VCL: variants seen among roughly 807,000 people sequenced by gnomAD.
The protein encoded by VCL is epididymis luminal protein 114.
A neutral mutation model predicts 125.7 loss-of-function variants in VCL; 47 were observed. The observed-to-expected ratio is 0.37, with a 90% CI of 0.30 to 0.48. VCL has a LOEUF of 0.48. Ranked by LOEUF, VCL falls within the 20% of genes least tolerant of loss-of-function variation. The pLI is 0.99. For missense variants in VCL, 1,069 were observed against 1,455.5 expected, an observed-to-expected ratio of 0.73 and a Z score of 4.32; for synonymous variants, 458 against 514.6, an observed-to-expected ratio of 0.89 and a Z score of 1.49.
chr10:74,097,373 T>C lies in VCL; in HGVS notation c.1872+41T>C. On this transcript the variant is annotated intron_variant, in intron 13 of 21. Coordinates refer to ENST00000211998, the MANE Select transcript of VCL (RefSeq NM_014000.3). The surrounding 1 kb of genome is among the most constrained non-coding windows in gnomAD (Gnocchi z 4.1). The stretch of plus-strand genomic sequence containing the variant: ...CTTCCATTTTTCTGTCAGCCTGTGC[T>C]ATAGGTATATGTAAAGGTGAAATGT... 6.2e-7 allele frequency: 1 copy of C among 1,604,444 alleles called. No individual in the cohort carries two copies.
intron 5 of VCL, among the ~76,000 whole-genome samples, chr10:74,073,236 G>A (rs577385002): frequency 1.3e-5 from 2 of 152,280 alleles, no homozygotes; most frequent in Non-Finnish European, 2.9e-5. Context: ...ATGGCTCCTG[G>A]CCTGAGGTTC....
At chr10:74,083,326 T>C in intron 7 of VCL, 40 bp from the exon 8 acceptor site, 1 of 1,610,746 alleles carries the variant, frequency 6.2e-7, no homozygotes, top group Non-Finnish European at 8.5e-7. Flanking sequence ...AAATAATGAA[T>C]GTGTCAACAA....
intron 18 of VCL, among the ~76,000 whole-genome samples, chr10:74,110,312 TA>T (rs1206027522): frequency 1.3e-5 from 2 of 152,152 alleles, no homozygotes; most frequent in African/African-American, 2.4e-5. Flanking sequence ...ATGAATTATT[TA>T]AAAAAACAAA....
rs113104632 is a variant in VCL at position 74,071,947 on chromosome 10, T to C, written c.500-783T>C. ...GAAAATTATATTTCCCCAAATGGAA[T>C]CTTATGCAGAATCCCCAAACAAAAA... is the stretch of plus-strand genomic sequence containing the variant. On this transcript the variant is annotated intron_variant, in intron 4 of 21. Transcript: ENST00000211998. This position sits in a 1 kb window ranked among gnomAD's most constrained non-coding sequence, Gnocchi z 4.1. Among the ~76,000 whole-genome samples, 43 of 152,268 alleles carry C rather than the reference T, an allele frequency of 2.8e-4. 1 individual carries two copies. The highest frequency in any genetic ancestry group is 9.1e-4 in the African/African-American group (38 of 41,560).
At chr10:74,023,567 C>T (rs548393313) in intron 1 of VCL, among the ~76,000 whole-genome samples, 49 of 152,266 alleles carry the variant, frequency 3.2e-4, no homozygotes, top group African/African-American at 1.1e-3. Context: ...TTCCTTTTGC[C>T]TAACTGGGAA....
chr10:74,106,124 G>A (rs187854736), intron 16 of VCL, among the ~76,000 whole-genome samples: 1 of 151,484 alleles, frequency 6.6e-6, no homozygotes, highest in East Asian at 2.0e-4. Context: ...GTTTCACCAT[G>A]TTGGCCAGGC....
rs201949733 is a variant in VCL, at chr10:74,083,516, A to T, written c.1022+3A>T. On this transcript the variant is annotated splice_donor_region_variant and intron_variant, in intron 8 of 21. Coordinates refer to ENST00000211998, the MANE Select transcript of VCL (RefSeq NM_014000.3). The stretch of plus-strand genomic sequence containing the variant: ...CAAGTGGCTGACCTCCGTGCCAGGT[A>T]AAAGTTCCTCTGTCCTTACAGAGCA... 1.9e-6 allele frequency: 3 copies of T among 1,613,688 alleles called. No homozygotes were observed. The highest frequency in any genetic ancestry group is 2.5e-6 in the Non-Finnish European group (3 of 1,179,752).
At chr10:74,067,147 G>A (rs1456363475) in intron 2 of VCL, among the ~76,000 whole-genome samples, 1 of 152,116 alleles carries the variant, frequency 6.6e-6, no homozygotes, top group Non-Finnish European at 1.5e-5. Flanking sequence ...TTTGCAAATT[G>A]TATTTCTGAT....
At chr10:73,999,295 C>T (rs1337539894) in intron 1 of VCL, among the ~76,000 whole-genome samples, 3 of 152,174 alleles carry the variant, frequency 2.0e-5, no homozygotes, top group African/African-American at 4.8e-5. Context: ...CTGGGGCATC[C>T]GCTCCCCATC....
chr10:74,061,345 C>G (rs934949225), intron 2 of VCL, among the ~76,000 whole-genome samples: 3 of 152,152 alleles, frequency 2.0e-5, no homozygotes, highest in Non-Finnish European at 4.4e-5. Flanking sequence ...GGTTCAGTCT[C>G]TGTTTTGGAC....
rs1840350584 is a variant in VCL at position 74,118,752 on chromosome 10, G to A, written c.*583G>A. 6.0e-6 allele frequency: 1 copy of A among 167,656 alleles called. No individual in the cohort carries two copies. The highest frequency in any genetic ancestry group is 2.4e-5 in the African/African-American group (1 of 41,622). The allele number at this position is 167,656 out of a possible 1,614,324, so 10.4% of individuals were successfully genotyped here. A position where few individuals can be genotyped will look rare whatever the true frequency, so the allele number is the denominator to read the frequency against. On this transcript the variant is annotated 3_prime_UTR_variant, in exon 22 of 22. Coordinates refer to ENST00000211998, the MANE Select transcript of VCL (RefSeq NM_014000.3). ...GGCCTCTGTGGAGCCCCAGCATATG[G>A]GGGCCTGGATTCATTTCCTGCCCTT...
intron 1 of VCL, among the ~76,000 whole-genome samples, chr10:74,037,015 A>G (rs1196292271): frequency 6.7e-6 from 1 of 149,568 alleles, no homozygotes; most frequent in East Asian, 2.0e-4. Context: ...GGTTCGCGCC[A>G]TTCTCCTGCC....
At chr10:74,110,343 C>T (rs886811240) in intron 18 of VCL, among the ~76,000 whole-genome samples, 2 of 152,222 alleles carry the variant, frequency 1.3e-5, no homozygotes, top group African/African-American at 2.4e-5. Flanking sequence ...AAGCAGACAG[C>T]ATTGGCCCAC....
chr10:74,045,853 C>T (rs1178945458), intron 2 of VCL, among the ~76,000 whole-genome samples: 8 of 151,734 alleles, frequency 5.3e-5, no homozygotes, highest in Admixed American at 1.3e-4. Context: ...GTTACATGGG[C>T]GGTTGTTTTA....
At chr10:74,093,701 A>G (rs1839924650) in intron 10 of VCL, among the ~76,000 whole-genome samples, 1 of 152,054 alleles carries the variant, frequency 6.6e-6, no homozygotes, top group African/African-American at 2.4e-5. Context: ...TGAAAGGCTG[A>G]GGCAGGAGGA....
intron 1 of VCL, among the ~76,000 whole-genome samples, chr10:74,018,376 G>A (rs1239510233): frequency 1.3e-5 from 2 of 151,896 alleles, no homozygotes; most frequent in Non-Finnish European, 2.9e-5. Flanking sequence ...AGCTTCTGAC[G>A]GACTTGGGCT....
chr10:74,045,513 C>T (rs779706436), intron 2 of VCL, among the ~76,000 whole-genome samples: 6 of 151,134 alleles, frequency 4.0e-5, no homozygotes, highest in Non-Finnish European at 5.9e-5. Flanking sequence ...ATCCCAGCTA[C>T]TTGGGAGGCT....
intron 6 of VCL, among the ~76,000 whole-genome samples, chr10:74,078,253 C>A (rs1290591003): frequency 6.6e-6 from 1 of 152,160 alleles, no homozygotes; most frequent in Non-Finnish European, 1.5e-5. Flanking sequence ...GGTCTCTCCC[C>A]ACTGTGGTCC....
intron 12 of VCL, among the ~76,000 whole-genome samples, chr10:74,096,624 T>C (rs535355873): frequency 1.3e-5 from 2 of 152,320 alleles, no homozygotes; most frequent in Admixed American, 1.3e-4. Flanking sequence ...GAAAAAGAGC[T>C]TGTTCATGGC....
Sources: allele counts gnomAD v4.1 joint callset (sites outside exome capture counted in the v4.1 genomes callset), GRCh38; gene constraint gnomAD v4.1.1; non-coding constraint Gnocchi (gnomAD v3.1); transcripts MANE v1.5; gene names NCBI Gene and HGNC (gene_info 2026-07-23, HGNC 2026-07-21).